Variants in ANKS6 observed in about 807,000 individuals in gnomAD.
ANKS6 encodes the protein ankyrin repeat and SAM domain-containing protein 6.
A neutral mutation model predicts 77.9 loss-of-function variants in ANKS6; 47 were observed. The observed-to-expected ratio is 0.60, with a 90% CI of 0.48 to 0.77. The LOEUF (loss-of-function observed/expected upper bound fraction) is 0.77. Among genes scored for constraint, ANKS6 ranks in the 30% least tolerant of loss-of-function variants. The pLI is 0.00. For missense variants in ANKS6, 1,150 were observed against 1,159.1 expected (o/e 0.99, Z 0.11); for synonymous variants, 488 against 501.7 (o/e 0.97, Z 0.37).
At chr9:98,774,593 G>A in intron 8 of ANKS6, among the ~76,000 whole-genome samples, 1 of 152,204 alleles carries the variant, frequency 6.6e-6, no homozygotes, top group Non-Finnish European at 1.5e-5. Flanking sequence ...AGCAGCCATT[G>A]GGAGTGAAGA....
At chr9:98,783,541 C>T (rs924641104) in intron 4 of ANKS6, 5 of 155,504 alleles carry the variant, frequency 3.2e-5, no homozygotes, top group East Asian at 1.9e-4. Flanking sequence ...GGACACATCT[C>T]ACCATCAATC....
Position 98,739,757 on chromosome 9 carries a change from C to CTTTTTTTTTTTTT in ANKS6, c.2512-3135_2512-3134insAAAAAAAAAAAAA, listed in dbSNP as rs1338507769. On this transcript the variant is annotated intron_variant, in intron 14 of 14. Transcript: ENST00000353234. The stretch of plus-strand genomic sequence containing the variant: ...CCTCAGAGGGCAGCAGTGGATTAAA[C>CTTTTTTTTTTTTT]ATTTTTTTTTTTTTTTTGAGACGGA... 8.6e-4 allele frequency among the ~76,000 whole-genome samples: 44 copies of CTTTTTTTTTTTTT among 51,056 alleles called. 1 individual carries two copies. Among genetic ancestry groups the CTTTTTTTTTTTTT allele is most frequent in the Non-Finnish European group, 4.0e-4 (11 of 27,756 alleles). 33.5% of individuals were successfully genotyped at this position (51,056 alleles called of 152,430 possible). A position where few individuals can be genotyped will look rare whatever the true frequency, so the allele number is the denominator to read the frequency against.
rs1831505948 is a variant in ANKS6, at chr9:98,736,448, G to A, written c.*71C>T. The A allele has an allele frequency of 1.3e-6, 2 of 1,513,788 alleles. No homozygotes were observed. The highest frequency in any genetic ancestry group is 2.1e-5 in the Admixed American group (1 of 47,286). The allele number at this position is 1,513,788 out of a possible 1,614,324, so 93.8% of individuals were successfully genotyped here. ...GGCACAGCAGTGTGACGGGGGCAGG[G>A]CTGGGGCTGTGGCCACGTGAAGGGG... On this transcript the variant is annotated 3_prime_UTR_variant, in exon 15 of 15. Coordinates refer to ENST00000353234, the MANE Select transcript of ANKS6 (RefSeq NM_173551.5).
chr9:98,732,224 T>C lies in ANKS6; in HGVS notation c.*4295A>G. ...CCCGGGCTCTTCAGGAGGCATTTACTTGGAAGTACAGGTCAGCGTTATCCA... is the reference window on the plus strand; with the variant it reads ...CCCGGGCTCTTCAGGAGGCATTTACCTGGAAGTACAGGTCAGCGTTATCCA... On this transcript the variant is annotated 3_prime_UTR_variant, in exon 15 of 15. Transcript: ENST00000353234. 2.1e-6 allele frequency: 1 copy of C among 486,966 alleles called. No homozygotes were observed. The highest frequency in any genetic ancestry group is 3.6e-5 in the East Asian group (1 of 27,658). 30.2% of individuals were successfully genotyped at this position (486,966 alleles called of 1,614,324 possible).
Position 98,796,259 on chromosome 9 carries a change from C to T in ANKS6, c.233G>A (p.Gly78Asp). 2 of 1,366,136 alleles carry T rather than the reference C, an allele frequency of 1.5e-6. No homozygotes were observed. Among genetic ancestry groups the T allele is most frequent in the Non-Finnish European group, 1.9e-6 (2 of 1,054,316 alleles). The allele number at this position is 1,366,136 out of a possible 1,614,324, so 84.6% of individuals were successfully genotyped here. The change falls in exon 1 of 15, where the codon GGC becomes GAC. Residue 78 changes from glycine (G) to aspartate (D), a missense_variant. Physicochemically the swap from Gly to Asp is moderately conservative, Grantham distance 94. Transcript: ENST00000353234. ...CGCGGCGAACTGCAGTGCGGTGTTGCCCGCCTCGTCCGAGCAATCCACGGG... is the reference window on the plus strand; with the variant it reads ...CGCGGCGAACTGCAGTGCGGTGTTGTCCGCCTCGTCCGAGCAATCCACGGG... ...PVPVDCSDEAGNTALQFAAAG... is the reference protein window; with the variant it reads ...PVPVDCSDEADNTALQFAAAG...
chr9:98,759,577 G>C (rs1388551297), intron 11 of ANKS6, among the ~76,000 whole-genome samples: 2 of 152,108 alleles, frequency 1.3e-5, no homozygotes, highest in Non-Finnish European at 2.9e-5. Context: ...TCCCTCCTTG[G>C]GTTTGATTAA....
At position 98,739,853 on chromosome 9, in the gene ANKS6, T is replaced by C. The variant is rs1831725056; in HGVS notation, c.2512-3230A>G. ...CACTGCAGGCTCCGCCCCCTGGGGT[T>C]CACGCCATTCTCCTGCCTCAGCCTC... On this transcript the variant is annotated intron_variant, in intron 14 of 14. Coordinates refer to ENST00000353234, the MANE Select transcript of ANKS6 (RefSeq NM_173551.5). Among the ~76,000 whole-genome samples, 3 of 138,942 alleles carry C rather than the reference T, an allele frequency of 2.2e-5. No individual in the cohort carries two copies. The South Asian group carries it at 7.3e-4, about 34-fold the overall frequency. 91.2% of individuals were successfully genotyped at this position (138,942 alleles called of 152,430 possible).
At position 98,796,531 on chromosome 9, in the gene ANKS6, G is replaced by C. The variant is rs1265693916; in HGVS notation, c.-40C>G. On this transcript the variant is annotated 5_prime_UTR_variant, in exon 1 of 15. Coordinates refer to ENST00000353234, the MANE Select transcript of ANKS6 (RefSeq NM_173551.5). ...GCGGCCCGCTCCCGTCCGCCCCGCC[G>C]GCCGCGTCGGCTCCGCCCCCGGATA... is the stretch of plus-strand genomic sequence containing the variant. The C allele has an allele frequency of 1.0e-6, 1 of 975,772 alleles. No individual in the cohort carries two copies. Among genetic ancestry groups the C allele is most frequent in the Non-Finnish European group, 1.2e-6 (1 of 822,440 alleles). 60.4% of individuals were successfully genotyped at this position (975,772 alleles called of 1,614,324 possible).
chr9:98,759,730 T>C (rs1354534751), intron 11 of ANKS6, among the ~76,000 whole-genome samples: 2 of 152,166 alleles, frequency 1.3e-5, no homozygotes. Context: ...TTAAGTGAAA[T>C]AAGCCAAGAA....
intron 6 of ANKS6, among the ~76,000 whole-genome samples, chr9:98,778,712 T>C (rs553923758): frequency 1.3e-5 from 2 of 152,274 alleles, no homozygotes; most frequent in East Asian, 3.9e-4. Flanking sequence ...ATTGCACAGA[T>C]TGAGAAATGG....
Position 98,784,826 on chromosome 9 carries a change from G to C in ANKS6, c.907+6C>G. 6.2e-7 allele frequency: 1 copy of C among 1,612,046 alleles called. No individual in the cohort carries two copies. Among genetic ancestry groups the C allele is most frequent in the Non-Finnish European group, 8.5e-7 (1 of 1,178,952 alleles). On this transcript the variant is annotated splice_donor_region_variant and intron_variant, in intron 3 of 14. Coordinates refer to ENST00000353234, the MANE Select transcript of ANKS6 (RefSeq NM_173551.5). ...AATATCCAAAAAGATTTTCTAAAGC[G>C]CTTACCCATTTTCAATGCATGGAAA...
At position 98,786,069 on chromosome 9, in the gene ANKS6, C is replaced by T. The variant is rs375898897; in HGVS notation, c.863-1193G>A. 1.1e-4 allele frequency among the ~76,000 whole-genome samples: 16 copies of T among 152,252 alleles called. No homozygotes were observed. In the East Asian group the frequency reaches 1.2e-3, roughly 11 times the overall value. On this transcript the variant is annotated intron_variant, in intron 2 of 14. Transcript: ENST00000353234. Reference sequence around the variant, plus strand: ...TCTTGGCTCACTGCAACCTCTGCCTCCTGGGTTCAAGTGACTCTTGTGCCT... The same window carrying T: ...TCTTGGCTCACTGCAACCTCTGCCTTCTGGGTTCAAGTGACTCTTGTGCCT...
chr9:98,743,533 A>T (rs1320676951), intron 14 of ANKS6, among the ~76,000 whole-genome samples: 1 of 152,098 alleles, frequency 6.6e-6, no homozygotes, highest in East Asian at 1.9e-4. Context: ...CTCTTGCTTC[A>T]GGTCTCAGCT....
At chr9:98,761,428 C>G (rs1833003485) in intron 11 of ANKS6, among the ~76,000 whole-genome samples, 1 of 152,162 alleles carries the variant, frequency 6.6e-6, no homozygotes, top group African/African-American at 2.4e-5. Flanking sequence ...AGCCACTGCA[C>G]CTGGCTCCTG....
intron 4 of ANKS6, among the ~76,000 whole-genome samples, chr9:98,783,155 A>G (rs150515492): frequency 1.3e-5 from 2 of 151,894 alleles, no homozygotes; most frequent in African/African-American, 4.8e-5. Context: ...GGGAGAGGAG[A>G]CAAAACCAAC....
chr9:98,789,925 G>A (rs1834797680), intron 2 of ANKS6, 179 bp downstream of exon 2: 2 of 929,790 alleles, frequency 2.2e-6, no homozygotes, highest in Admixed American at 3.1e-5. Context: ...AGTGGGCCCA[G>A]AACCTGCATG....
chr9:98,788,693 GCAAAGGCTCAGAAGAGT>G (rs953475466), intron 2 of ANKS6, among the ~76,000 whole-genome samples: 43 of 152,308 alleles, frequency 2.8e-4, no homozygotes, highest in African/African-American at 1.0e-3. Context: ...CACAGATGAG[GCAAAGGCTCAGAAGAGT>G]CATGTGTTAA....
intron 11 of ANKS6, among the ~76,000 whole-genome samples, chr9:98,760,917 A>C (rs1230842280): frequency 6.6e-6 from 1 of 152,242 alleles, no homozygotes; most frequent in Non-Finnish European, 1.5e-5. Context: ...GTAGTCAGTT[A>C]GCTGGGTCAT....
At chr9:98,739,211 C>T (rs1432660655) in intron 14 of ANKS6, among the ~76,000 whole-genome samples, 1 of 152,104 alleles carries the variant, frequency 6.6e-6, no homozygotes, top group East Asian at 1.9e-4. Context: ...TCTCACAAAC[C>T]ACTGCGAAAG....
Sources: allele counts gnomAD v4.1 joint callset (sites outside exome capture counted in the v4.1 genomes callset), GRCh38; gene constraint gnomAD v4.1.1; transcripts MANE v1.5; gene names NCBI Gene and HGNC (gene_info 2026-07-23, HGNC 2026-07-21).